The following BANP variants were observed in gnomAD, a reference collection of about 807,000 sequenced individuals.
BANP encodes the protein protein BANP.
BANP carries 11 observed loss-of-function variants against 68.1 expected under a neutral mutation model. The observed-to-expected ratio is 0.16, with a 90% CI of 0.10 to 0.27. The LOEUF (loss-of-function observed/expected upper bound fraction) is 0.27, where lower values mean the gene tolerates loss of function less well. Ranked by LOEUF, BANP falls within the 10% of genes least tolerant of loss-of-function variation. The pLI is 1.00. For missense variants in BANP, 504 were observed against 722.7 expected (o/e 0.70, Z 3.47); for synonymous variants, 329 against 303.2 (o/e 1.09, Z -0.88).
At chr16:87,961,373 G>T (rs1035266776) in intron 1 of BANP, among the ~76,000 whole-genome samples, 1 of 151,170 alleles carries the variant, frequency 6.6e-6, no homozygotes, top group Non-Finnish European at 1.5e-5. Flanking sequence ...TGTGTTGCCC[G>T]GGTTGGTCTC....
At position 87,998,555 on chromosome 16, in the gene BANP, T is replaced by C. The variant is rs566651275; in HGVS notation, c.363-5740T>C. On this transcript the variant is annotated intron_variant, in intron 4 of 13. Transcript: ENST00000682872. ...TTCTTGCTGTCCTTCCAGACACGTC[T>C]CCATGCACGCACGTGCGCGGCTGGA... Among the ~76,000 whole-genome samples the C allele has an allele frequency of 5.7e-5, 8 of 139,890 alleles. No individual in the cohort carries two copies. The South Asian group carries it at 1.6e-3, about 27-fold the overall frequency. The allele number at this position is 139,890 out of a possible 152,430, so 91.8% of individuals were successfully genotyped here. A position where few individuals can be genotyped will look rare whatever the true frequency, so the allele number is the denominator to read the frequency against.
intron 12 of BANP, among the ~76,000 whole-genome samples, chr16:88,066,764 T>G (rs952131726): frequency 3.9e-5 from 6 of 152,202 alleles, no homozygotes; most frequent in Non-Finnish European, 8.8e-5. Context: ...TGCCAAACCT[T>G]GCCTACATTG....
At chr16:87,961,488 A>G (rs954075669) in intron 1 of BANP, among the ~76,000 whole-genome samples, 2 of 147,386 alleles carry the variant, frequency 1.4e-5, no homozygotes, top group South Asian at 2.1e-4. Flanking sequence ...TGTCATATGC[A>G]TCGACCAAAA....
intron 6 of BANP, 25 bp downstream of exon 6, chr16:88,006,290 G>C (rs1251062739): frequency 6.4e-7 from 1 of 1,562,038 alleles, no homozygotes; most frequent in East Asian, 2.3e-5. Context: ...GCTTTCCTCG[G>C]CCAGAGCGCC....
intron 11 of BANP, among the ~76,000 whole-genome samples, chr16:88,063,920 A>G (rs917063721): frequency 1.3e-5 from 2 of 152,256 alleles, no homozygotes; most frequent in Non-Finnish European, 2.9e-5. Context: ...CTGGGAATGC[A>G]TTTGAAAAGT....
intron 10 of BANP, among the ~76,000 whole-genome samples, chr16:88,035,607 T>C (rs566088232): frequency 2.1e-4 from 32 of 152,344 alleles, no homozygotes; most frequent in African/African-American, 7.5e-4. Context: ...TCTCCACAGC[T>C]TCTGGTCTGT....
intron 5 of BANP, among the ~76,000 whole-genome samples, chr16:88,005,835 A>T (rs567991992): frequency 1.3e-5 from 2 of 152,364 alleles, no homozygotes; most frequent in East Asian, 3.9e-4. Flanking sequence ...AGTCCCAGTG[A>T]GTATGATTTT....
rs1004325646 is a variant in BANP at position 88,064,643 on chromosome 16, A to G, written c.1312-624A>G. 6.6e-6 allele frequency among the ~76,000 whole-genome samples: 1 copy of G among 152,228 alleles called. No individual in the cohort carries two copies. Among genetic ancestry groups the G allele is most frequent in the Non-Finnish European group, 1.5e-5 (1 of 68,034 alleles). Reference sequence around the variant, plus strand: ...GGAGGCCTGGGGACCCCTCCTGGACATGCCTTCCTCCCTTAAAAAACAACA... The same window carrying G: ...GGAGGCCTGGGGACCCCTCCTGGACGTGCCTTCCTCCCTTAAAAAACAACA... On this transcript the variant is annotated intron_variant, in intron 11 of 13. Transcript: ENST00000682872. The surrounding 1 kb of genome is among the most constrained non-coding windows in gnomAD (Gnocchi z 4.5).
rs1047521084 is a variant in BANP at position 88,059,612 on chromosome 16, C to T, written c.1312-5655C>T. On this transcript the variant is annotated intron_variant, in intron 11 of 13. Coordinates refer to ENST00000682872, the MANE Select transcript of BANP (RefSeq NM_001386991.1). ...TGGCCATCACCTCGTCTCGGCCCCA[C>T]GTTCCTGCAGGCATGTGCTGAGCCC... Among the ~76,000 whole-genome samples, 6 of 152,290 alleles carry T rather than the reference C, an allele frequency of 3.9e-5. No homozygotes were observed. The East Asian group carries it at 7.7e-4, about 20-fold the overall frequency.
intron 7 of BANP, among the ~76,000 whole-genome samples, chr16:88,026,903 G>A (rs1489425316): frequency 3.3e-5 from 5 of 152,250 alleles, no homozygotes; most frequent in African/African-American, 4.8e-5. Flanking sequence ...TCCAAATGCC[G>A]GAAGGTGGTC....
upstream of BANP, chr16:87,951,414 G>A (rs2056810286): frequency 6.6e-6 from 1 of 151,706 alleles, no homozygotes; most frequent in Non-Finnish European, 1.5e-5. Context: ...GTCGCGGGGA[G>A]GGGCTCGCGG....
chr16:88,027,786 C>T lies in BANP; in HGVS notation c.1063+136C>T, dbSNP rs376928761. The T allele has an allele frequency of 6.7e-5, 72 of 1,071,122 alleles. No homozygotes were observed. In the East Asian group the frequency reaches 1.3e-3, roughly 20 times the overall value. 66.4% of individuals were successfully genotyped at this position (1,071,122 alleles called of 1,614,324 possible). ...GCCGAGGCCAGAGGCTTGCGCGGTG[C>T]GCACGGAGCAGTGGAGCCGCAGGAC... On this transcript the variant is annotated intron_variant, in intron 8 of 13. Transcript: ENST00000682872.
rs2075440407 is a variant in BANP at position 88,019,576 on chromosome 16, CGTCCGGG to C, written c.895+910_895+916del. ...GGATCTCAGCGTGCGGGGGGCGGGG[CGTCCGGG>C]ATCTCGGCGTGCGGGATCTCAGCGT... is the stretch of plus-strand genomic sequence containing the variant. On this transcript the variant is annotated intron_variant, in intron 7 of 13. Coordinates refer to ENST00000682872, the MANE Select transcript of BANP (RefSeq NM_001386991.1). Among the ~76,000 whole-genome samples, 5 of 10,990 alleles carry C rather than the reference CGTCCGGG, an allele frequency of 4.5e-4. 1 individual carries two copies. Among genetic ancestry groups the C allele is most frequent in the African/African-American group, 9.0e-4 (5 of 5,532 alleles). The allele number at this position is 10,990 out of a possible 152,430, so 7.2% of individuals were successfully genotyped here. A position where few individuals can be genotyped will look rare whatever the true frequency, so the allele number is the denominator to read the frequency against.
At chr16:88,007,678 C>A (rs2071648532) in intron 6 of BANP, among the ~76,000 whole-genome samples, 1 of 152,226 alleles carries the variant, frequency 6.6e-6, no homozygotes, top group African/African-American at 2.4e-5. Context: ...TTTTTCCTAG[C>A]AACTCGATGT....
At chr16:87,982,972 C>G (rs1024377155) in intron 3 of BANP, among the ~76,000 whole-genome samples, 1 of 151,802 alleles carries the variant, frequency 6.6e-6, no homozygotes, top group African/African-American at 2.4e-5. Flanking sequence ...GCCTCCCGCT[C>G]CCCTGTCAAT....
At chr16:88,040,066 A>G (rs1034848782) in intron 11 of BANP, among the ~76,000 whole-genome samples, 6 of 152,148 alleles carry the variant, frequency 3.9e-5, no homozygotes, top group African/African-American at 1.2e-4. Context: ...TGGGACCTCA[A>G]ATCAAAGACG....
chr16:88,075,530 A>G (rs2091413288), intron 13 of BANP, among the ~76,000 whole-genome samples: 1 of 152,110 alleles, frequency 6.6e-6, no homozygotes, highest in Non-Finnish European at 1.5e-5. Flanking sequence ...CAGGACCTTA[A>G]CTAGAGTAGA....
chr16:88,068,689 G>C (rs1175924366), intron 12 of BANP, among the ~76,000 whole-genome samples: 2 of 152,106 alleles, frequency 1.3e-5, no homozygotes, highest in African/African-American at 4.8e-5. Flanking sequence ...ACCCAGGACA[G>C]AGTGACTGCC....
rs914393350 is a variant in BANP at position 88,004,991 on chromosome 16, C to A, written c.479+580C>A. On this transcript the variant is annotated intron_variant, in intron 5 of 13. Coordinates refer to ENST00000682872, the MANE Select transcript of BANP (RefSeq NM_001386991.1). This position sits in a 1 kb window ranked among gnomAD's most constrained non-coding sequence, Gnocchi z 7.0. Reference sequence around the variant, plus strand: ...AGGAGTGCCCCTGGGGCTGCGTGAACCCCTGAGGATGCTGTTGCTTTTTCT... The same window carrying A: ...AGGAGTGCCCCTGGGGCTGCGTGAAACCCTGAGGATGCTGTTGCTTTTTCT... Among the ~76,000 whole-genome samples the A allele has an allele frequency of 1.3e-5, 2 of 152,168 alleles. No individual in the cohort carries two copies. Among genetic ancestry groups the A allele is most frequent in the African/African-American group, 4.8e-5 (2 of 41,436 alleles).
Sources: allele counts gnomAD v4.1 joint callset (sites outside exome capture counted in the v4.1 genomes callset), GRCh38; gene constraint gnomAD v4.1.1; non-coding constraint Gnocchi (gnomAD v3.1); transcripts MANE v1.5; gene names NCBI Gene and HGNC (gene_info 2026-07-23, HGNC 2026-07-21).